MOV10L1: variants seen among roughly 807,000 people sequenced by gnomAD.
The protein encoded by MOV10L1 is RNA helicase Mov10l1.
In MOV10L1, 110 loss-of-function variants were observed where a neutral mutation model predicts 143.8. The observed-to-expected ratio is 0.76, with a 90% CI of 0.66 to 0.90. The LOEUF (loss-of-function observed/expected upper bound fraction) is 0.90, where lower values mean the gene tolerates loss of function less well. Ranked by LOEUF, MOV10L1 falls within the 40% of genes least tolerant of loss-of-function variation. The pLI is 0.00. For synonymous variants in MOV10L1, 593 were observed against 581.1 expected (o/e 1.02, Z -0.29); for missense variants, 1,406 against 1,526.8 (o/e 0.92, Z 1.32).
chr22:50,108,705 A>G lies in MOV10L1; in HGVS notation c.604A>G (p.Ile202Val), dbSNP rs1374196126. The G allele has an allele frequency of 2.5e-6, 4 of 1,614,206 alleles. No homozygotes were observed. Among genetic ancestry groups the G allele is most frequent in the Admixed American group, 1.7e-5 (1 of 60,020 alleles). Residue 202 changes from isoleucine (I) to valine (V), a missense_variant, in exon 5 of 27, where the codon ATC (isoleucine) becomes GTC (valine). Physicochemically the swap from Ile to Val is conservative, Grantham distance 29. This residue lies in a region of MOV10L1 where 1,233 missense variants were observed against 1,351.4 expected (regional missense o/e 0.91). Transcript: ENST00000262794. ...AAGGAACGGGGTGTTAGAGGAAAGC[A>G]TCTTCTTTACCTTGGACTCCTTGAA... The part of the protein sequence containing the change: ...CGRNGVLEES[I>V]FFTLDSLKLP...
intron 2 of MOV10L1, 36 bp downstream of exon 2, chr22:50,092,221 C>T (rs753119290): frequency 4.4e-6 from 7 of 1,575,908 alleles, no homozygotes; most frequent in East Asian, 2.2e-5. Flanking sequence ...AGTTTTTCTT[C>T]GCCACGGGAC....
At position 50,108,800 on chromosome 22, in the gene MOV10L1, A is replaced by G. The variant is rs567219166; in HGVS notation, c.699A>G (p.Ser233=). 17 of 1,614,208 alleles carry G rather than the reference A, an allele frequency of 1.1e-5. 1 individual carries two copies. In the East Asian group the frequency reaches 3.1e-4, roughly 30 times the overall value. The part of the protein sequence containing the change: ...VNAVVVESSQ[S]CYVWRALCMT... ...CAGTGGTGGTGGAGAGCAGCCAGTCATGCTATGTCTGGAGGGCACTTTGTA... is the reference window on the plus strand; with the variant it reads ...CAGTGGTGGTGGAGAGCAGCCAGTCGTGCTATGTCTGGAGGGCACTTTGTA... Residue 233 remains serine (S), a synonymous_variant, in exon 5 of 27, where the codon TCA becomes TCG. Coordinates refer to ENST00000262794, the MANE Select transcript of MOV10L1 (RefSeq NM_018995.3).
At chr22:50,115,817 G>C (rs190036660) in intron 8 of MOV10L1, among the ~76,000 whole-genome samples, 1 of 152,178 alleles carries the variant, frequency 6.6e-6, no homozygotes, top group African/African-American at 2.4e-5. Flanking sequence ...CCCGTGTTCC[G>C]CATAGCCAAG....
At chr22:50,107,434 G>A (rs2061902591) in intron 3 of MOV10L1, among the ~76,000 whole-genome samples, 1 of 151,890 alleles carries the variant, frequency 6.6e-6, no homozygotes, top group Admixed American at 6.6e-5. Context: ...TATTTGTGCT[G>A]TTACGTGTTC....
chr22:50,131,722 G>GA (rs35192766), intron 13 of MOV10L1, among the ~76,000 whole-genome samples: 218 of 131,294 alleles, frequency 1.7e-3, no homozygotes, highest in African/African-American at 5.1e-3. Flanking sequence ...GTACCTTTGT[G>GA]AAAAAAAAAA....
chr22:50,137,007 A>T (rs976847202), intron 15 of MOV10L1, among the ~76,000 whole-genome samples: 6 of 152,240 alleles, frequency 3.9e-5, no homozygotes, highest in Admixed American at 2.0e-4. Flanking sequence ...CTGACAAAGT[A>T]TGATAGCCTC....
At chr22:50,142,666 A>T (rs2063023286) in intron 16 of MOV10L1, among the ~76,000 whole-genome samples, 1 of 125,618 alleles carries the variant, frequency 8.0e-6, no homozygotes, top group South Asian at 2.6e-4. Flanking sequence ...TTGTCTCTAT[A>T]AAAAAAAAAA....
Position 50,150,874 on chromosome 22 carries a change from C to G in MOV10L1, c.2867C>G (p.Ala956Gly). The G allele has an allele frequency of 1.2e-6, 2 of 1,614,216 alleles. No homozygotes were observed. Among genetic ancestry groups the G allele is most frequent in the Non-Finnish European group, 1.7e-6 (2 of 1,180,028 alleles). ...CAGAGGGACGAAAATGCTTTCGGTG[C>G]TTGTGGCGCACATAATCCCCTGTTG... ...AYQRDENAFG[A>G]CGAHNPLLVT... Residue 956 changes from alanine (A) to glycine (G), a missense_variant, in exon 21 of 27, where the codon GCT becomes GGT. Physicochemically the swap from Ala to Gly is moderately conservative, Grantham distance 60 (BLOSUM62 0). Coordinates refer to ENST00000262794, the MANE Select transcript of MOV10L1 (RefSeq NM_018995.3).
intron 5 of MOV10L1, chr22:50,109,687 AAAAAAT>A: frequency 4.4e-6 from 1 of 224,912 alleles, no homozygotes; most frequent in East Asian, 1.4e-4. Context: ...AAAAAAAAAA[AAAAAAT>A]TAGCCGAGCA....
intron 18 of MOV10L1, among the ~76,000 whole-genome samples, chr22:50,144,618 G>T (rs779474264): frequency 1.8e-4 from 27 of 150,858 alleles, no homozygotes; most frequent in African/African-American, 4.9e-4. Flanking sequence ...GTCTCGCTGT[G>T]TCGCCCAGGC....
intron 3 of MOV10L1, 82 bp downstream of exon 3, chr22:50,099,684 A>G (rs1218492783): frequency 1.3e-5 from 19 of 1,470,812 alleles, no homozygotes; most frequent in Non-Finnish European, 1.8e-5. Flanking sequence ...ACGGTGGCTC[A>G]TGCCTATAAT....
intron 15 of MOV10L1, among the ~76,000 whole-genome samples, chr22:50,141,458 A>G (rs1295802080): frequency 1.3e-5 from 2 of 149,828 alleles, no homozygotes; most frequent in Admixed American, 1.3e-4. Flanking sequence ...CCTGCCAAGT[A>G]GCTGGGACCA....
Position 50,160,724 on chromosome 22 carries a change from T to A in MOV10L1, c.3361T>A (p.Tyr1121Asn), listed in dbSNP as rs1348314491. 3.7e-6 allele frequency: 6 copies of A among 1,614,088 alleles called. 1 individual carries two copies. The Admixed American group carries it at 1.0e-4, about 27-fold the overall frequency. ...SNEDRFEDDR[Y>N]FLGFLSNSKR... ...TGAAGATAGATTTGAAGATGATCGA[T>A]ATTTTTTGGGTTTCTTGTCCAACTC... The change falls in exon 25 of 27, where the codon TAT (tyrosine) becomes AAT (asparagine). Residue 1121 changes from tyrosine to asparagine, a missense_variant. Transcript: ENST00000262794.
At chr22:50,126,939 G>A (rs547160654) in intron 12 of MOV10L1, among the ~76,000 whole-genome samples, 143 of 152,312 alleles carry the variant, frequency 9.4e-4, no homozygotes, top group Non-Finnish European at 1.8e-3. Context: ...GTCACTCTGC[G>A]CTACACCTTC....
rs1430944243 is a variant in MOV10L1, at chr22:50,158,414, G to A, written c.3216+208G>A. On this transcript the variant is annotated intron_variant, in intron 23 of 26. Coordinates refer to ENST00000262794, the MANE Select transcript of MOV10L1 (RefSeq NM_018995.3). This position sits in a 1 kb window ranked among gnomAD's most constrained non-coding sequence, Gnocchi z 5.0. Reference sequence around the variant, plus strand: ...TCCGGGCAGCTGCCAGCTTTTCTACGGCCAGAGCCTCGAACAGTTTTTACA... The same window carrying A: ...TCCGGGCAGCTGCCAGCTTTTCTACAGCCAGAGCCTCGAACAGTTTTTACA... The A allele has an allele frequency of 1.4e-5, 8 of 563,058 alleles. No individual in the cohort carries two copies. Among genetic ancestry groups the A allele is most frequent in the Middle Eastern group, 9.1e-4 (2 of 2,188 alleles). The allele number at this position is 563,058 out of a possible 1,614,324, so 34.9% of individuals were successfully genotyped here.
chr22:50,102,067 A>G (rs1270441501), intron 3 of MOV10L1, among the ~76,000 whole-genome samples: 3 of 152,188 alleles, frequency 2.0e-5, no homozygotes, highest in African/African-American at 7.2e-5. Flanking sequence ...CCCCTGAGTA[A>G]TAAAGATGGG....
At chr22:50,140,986 C>T (rs1369416520) in intron 15 of MOV10L1, among the ~76,000 whole-genome samples, 3 of 152,092 alleles carry the variant, frequency 2.0e-5, no homozygotes, top group African/African-American at 7.2e-5. Context: ...AATTGAAAAT[C>T]CCACTGGTTC....
At position 50,137,956 on chromosome 22, in the gene MOV10L1, T is replaced by A. The variant is rs527695154; in HGVS notation, c.2070+3326T>A. ...CACATGTATATGAGACCAAGAGGGT[T>A]CATCCCAGGAATGGCTTAACATTCC... On this transcript the variant is annotated intron_variant, in intron 15 of 26. Coordinates refer to ENST00000262794, the MANE Select transcript of MOV10L1 (RefSeq NM_018995.3). Among the ~76,000 whole-genome samples, 83 of 151,708 alleles carry A rather than the reference T, an allele frequency of 5.5e-4. No individual in the cohort carries two copies. In the East Asian group the frequency reaches 0.013, roughly 23 times the overall value.
chr22:50,118,676 G>A (rs1338023943), intron 9 of MOV10L1, among the ~76,000 whole-genome samples: 3 of 152,138 alleles, frequency 2.0e-5, no homozygotes, highest in Admixed American at 6.6e-5. Context: ...AAAGGCCTTG[G>A]GTGTGCATAG....
Sources: gnomAD v4.1 joint callset for allele counts (sites outside exome capture counted in the v4.1 genomes callset) on GRCh38, gnomAD v4.1.1 for gene constraint, gnomAD v4.1.1 regional missense constraint, Gnocchi (gnomAD v3.1) non-coding constraint, MANE v1.5 for transcripts, NCBI Gene and HGNC (gene_info 2026-07-23, HGNC 2026-07-21) for gene names.